The following CFAP58 variants were observed in gnomAD, a reference collection of about 807,000 sequenced individuals.
The protein encoded by CFAP58 is cilia- and flagella-associated protein 58.
Under a neutral mutation model 119.5 loss-of-function variants are expected in CFAP58, and 88 were observed. The observed-to-expected ratio is 0.74, with a 90% CI of 0.62 to 0.88. CFAP58 has a LOEUF of 0.88. Among genes scored for constraint, CFAP58 ranks in the 40% least tolerant of loss-of-function variants. The pLI, the probability that CFAP58 is intolerant of heterozygous loss-of-function variation, is 0.00. For missense variants in CFAP58, 990 were observed against 1,021.2 expected, an observed-to-expected ratio of 0.97 and a Z score of 0.42; for synonymous variants, 365 against 366.3, an observed-to-expected ratio of 1.00 and a Z score of 0.04.
At chr10:104,430,998 G>A (rs1242188595) in intron 15 of CFAP58, among the ~76,000 whole-genome samples, 1 of 152,190 alleles carries the variant, frequency 6.6e-6, no homozygotes, top group Non-Finnish European at 1.5e-5. Flanking sequence ...CGGGTGGCTA[G>A]TGGCTACCAC....
At position 104,370,992 on chromosome 10, in the gene CFAP58, A is replaced by G. The variant is rs2135261227; in HGVS notation, c.1028A>G (p.Gln343Arg). Reference protein sequence around the residue: ...IHKKLHHTEDQKAEVEQHKET... With the variant: ...IHKKLHHTEDRKAEVEQHKET... ...AAGAAATTGCACCACACCGAAGATC[A>G]AAAGGCAGAAGTCGAACAGCACAAA... The change falls in exon 7 of 18, where the codon CAA becomes CGA. Residue 343 changes from glutamine to arginine, a missense_variant. Coordinates refer to ENST00000369704, the MANE Select transcript of CFAP58 (RefSeq NM_001008723.2). The G allele has an allele frequency of 6.2e-7, 1 of 1,613,698 alleles. No homozygotes were observed. The highest frequency in any genetic ancestry group is 2.2e-5 in the East Asian group (1 of 44,848).
chr10:104,378,768 T>TC (rs1265502744), intron 8 of CFAP58, among the ~76,000 whole-genome samples: 2 of 152,204 alleles, frequency 1.3e-5, no homozygotes, highest in Admixed American at 6.6e-5. Context: ...GGTCATTTGA[T>TC]CCATTCAGTT....
In CFAP58 at chr10:104,379,879, A is replaced by G. The variant is rs2011747367; in HGVS notation, c.1174-150A>G. 4.1e-6 allele frequency: 3 copies of G among 734,086 alleles called. No homozygotes were observed. The East Asian group carries it at 7.7e-5, about 19-fold the overall frequency. The allele number at this position is 734,086 out of a possible 1,614,324, so 45.5% of individuals were successfully genotyped here. ...TGCCTTGTGCAAAATTAGCATAACA[A>G]ACTCTTAATAAGCTGTAGAGAATAT... is the stretch of plus-strand genomic sequence containing the variant. On this transcript the variant is annotated intron_variant, in intron 8 of 17. Coordinates refer to ENST00000369704, the MANE Select transcript of CFAP58 (RefSeq NM_001008723.2).
intron 6 of CFAP58, among the ~76,000 whole-genome samples, chr10:104,369,074 C>T (rs995393722): frequency 1.3e-5 from 2 of 152,114 alleles, no homozygotes; most frequent in African/African-American, 4.8e-5. Context: ...GCAAATTCTT[C>T]AATTTAGATA....
At chr10:104,368,392 A>C in intron 5 of CFAP58, 31 bp from the exon 6 acceptor site, 1 of 1,610,198 alleles carries the variant, frequency 6.2e-7, no homozygotes, top group Non-Finnish European at 8.5e-7. Context: ...CAGATTAAAA[A>C]GCATTAACCA....
intron 15 of CFAP58, among the ~76,000 whole-genome samples, chr10:104,424,854 A>G (rs1320368080): frequency 6.6e-6 from 1 of 152,216 alleles, no homozygotes; most frequent in African/African-American, 2.4e-5. Context: ...AAGGACAAAG[A>G]GGACATGTTT....
chr10:104,433,343 C>T (rs1410235836), intron 15 of CFAP58, among the ~76,000 whole-genome samples: 1 of 152,208 alleles, frequency 6.6e-6, no homozygotes, highest in Non-Finnish European at 1.5e-5. Context: ...CCACCTTAGC[C>T]TCCCAGAGCA....
chr10:104,426,086 G>T (rs557331441), intron 15 of CFAP58, among the ~76,000 whole-genome samples: 2 of 152,222 alleles, frequency 1.3e-5, no homozygotes, highest in African/African-American at 2.4e-5. Context: ...ACAAAAATTG[G>T]CTGGATGTGG....
At chr10:104,398,774 C>T (rs530934827) in intron 11 of CFAP58, among the ~76,000 whole-genome samples, 2 of 152,244 alleles carry the variant, frequency 1.3e-5, no homozygotes, top group South Asian at 2.1e-4. Context: ...CTATCTTATC[C>T]TCTCATCTGG....
chr10:104,419,039 C>A (rs2012599681), intron 15 of CFAP58, among the ~76,000 whole-genome samples: 1 of 152,134 alleles, frequency 6.6e-6, no homozygotes, highest in Non-Finnish European at 1.5e-5. Context: ...ATTTAAAGTG[C>A]TGGGAATGGT....
chr10:104,372,936 G>C (rs1167579325), intron 7 of CFAP58, among the ~76,000 whole-genome samples: 2 of 151,976 alleles, frequency 1.3e-5, no homozygotes, highest in African/African-American at 4.8e-5. Flanking sequence ...TAGGAGCATG[G>C]GTCTCCCTCC....
At chr10:104,381,109 C>T (rs1426505808) in intron 9 of CFAP58, among the ~76,000 whole-genome samples, 1 of 152,180 alleles carries the variant, frequency 6.6e-6, no homozygotes, top group African/African-American at 2.4e-5. Context: ...GTGGTTGCAG[C>T]ACTGCACTCC....
At chr10:104,397,832 C>T (rs1480013524) in intron 11 of CFAP58, among the ~76,000 whole-genome samples, 1 of 152,180 alleles carries the variant, frequency 6.6e-6, no homozygotes, top group Non-Finnish European at 1.5e-5. Context: ...CTCTCAAAGG[C>T]ATATTCTTCT....
At chr10:104,392,665 G>T (rs1441489296) in intron 10 of CFAP58, among the ~76,000 whole-genome samples, 2 of 141,448 alleles carry the variant, frequency 1.4e-5, no homozygotes, top group African/African-American at 5.4e-5. Context: ...TTTTGAGATG[G>T]AGTCTCACTC....
intron 14 of CFAP58, 88 bp downstream of exon 14, chr10:104,403,928 AG>A: frequency 1.3e-6 from 1 of 749,630 alleles, no homozygotes. Flanking sequence ...ATGAGAAGCG[AG>A]GTTTTATTTA....
At chr10:104,403,157 A>G (rs906067741) in intron 13 of CFAP58, among the ~76,000 whole-genome samples, 2 of 152,222 alleles carry the variant, frequency 1.3e-5, no homozygotes, top group African/African-American at 4.8e-5. Context: ...TAATTGAACC[A>G]TAGGGGTAGT....
chr10:104,442,136 G>T (rs1196349064), intron 15 of CFAP58, among the ~76,000 whole-genome samples: 3 of 152,048 alleles, frequency 2.0e-5, no homozygotes, highest in Non-Finnish European at 2.9e-5. Flanking sequence ...GGATGGTAGT[G>T]GGGGGATGGA....
At chr10:104,392,027 G>A (rs1055691100) in intron 9 of CFAP58, among the ~76,000 whole-genome samples, 8 of 152,124 alleles carry the variant, frequency 5.3e-5, no homozygotes, top group Admixed American at 5.2e-4. Flanking sequence ...TACTTGAGCA[G>A]AACTCTAGTA....
intron 1 of CFAP58, 27 bp from the exon 2 acceptor site, chr10:104,358,313 CT>C: frequency 6.3e-7 from 1 of 1,595,610 alleles, no homozygotes; most frequent in Non-Finnish European, 8.5e-7. Flanking sequence ...TTGCATTGCC[CT>C]TTCCCATCCC....
Sources: gnomAD v4.1 joint callset for allele counts (sites outside exome capture counted in the v4.1 genomes callset) on GRCh38, gnomAD v4.1.1 for gene constraint, MANE v1.5 for transcripts, NCBI Gene and HGNC (gene_info 2026-07-23, HGNC 2026-07-21) for gene names.